Variants in EEA1 observed in about 807,000 individuals in gnomAD.
The protein encoded by EEA1 is early endosome antigen 1, also known as early endosome antigen 1, 162kD.
A neutral mutation model predicts 209.2 loss-of-function variants in EEA1; 111 were observed. The ratio of observed to expected loss-of-function variants is 0.53; its 90% CI spans 0.45 to 0.62. The LOEUF (loss-of-function observed/expected upper bound fraction) is 0.62, where lower values mean the gene tolerates loss of function less well. EEA1 is among the 20% of genes least tolerant of loss of function. The pLI, the probability that EEA1 is intolerant of heterozygous loss-of-function variation, is 0.00. For missense variants in EEA1, 1,343 were observed against 1,530.8 expected (o/e 0.88, Z 2.05); for synonymous variants, 536 against 540.6 (o/e 0.99, Z 0.12).
intron 13 of EEA1, among the ~76,000 whole-genome samples, chr12:92,825,598 C>T (rs1876259514): frequency 6.6e-6 from 1 of 151,918 alleles, no homozygotes; most frequent in Non-Finnish European, 1.5e-5. Flanking sequence ...TAAATTTAAC[C>T]CAAACAATTA....
chr12:92,833,865 G>A (rs1353405102), intron 10 of EEA1, among the ~76,000 whole-genome samples: 1 of 152,076 alleles, frequency 6.6e-6, no homozygotes, highest in Non-Finnish European at 1.5e-5. Flanking sequence ...ATAGAAAAGT[G>A]TGTCAAATTT....
intron 18 of EEA1, among the ~76,000 whole-genome samples, chr12:92,803,219 A>T (rs7342371): frequency 0.96 from 145,734 of 152,076 alleles, 69,878 homozygotes; most frequent in East Asian, 1. Flanking sequence ...AAAATCAAAG[A>T]AAGAAAATTA....
rs541391849 is a variant in EEA1 at position 92,857,500 on chromosome 12, G to A, written c.246-15C>T. 2 of 1,551,508 alleles carry A rather than the reference G, an allele frequency of 1.3e-6. No individual in the cohort carries two copies. Among genetic ancestry groups the A allele is most frequent in the Admixed American group, 2.0e-5 (1 of 50,988 alleles). On this transcript the variant is annotated splice_polypyrimidine_tract_variant and intron_variant, in intron 3 of 28. Coordinates refer to ENST00000322349, the MANE Select transcript of EEA1 (RefSeq NM_003566.4). ...TTACATCATCTCTAAATAAAAATGG[G>A]AGGAAGGAATTAATAGTCAATGTCC... is the stretch of plus-strand genomic sequence containing the variant.
At position 92,927,881 on chromosome 12, in the gene EEA1, A is replaced by T. The variant is rs548410699; in HGVS notation, c.24+1162T>A. 5.3e-4 allele frequency among the ~76,000 whole-genome samples: 80 copies of T among 152,360 alleles called. No homozygotes were observed. The South Asian group carries it at 0.016, about 30-fold the overall frequency. Reference sequence around the variant, plus strand: ...ACACAGGTTGTCAGATAAAGAAGTTAACTATTTCTCCCTCTAATAACTGAC... The same window carrying T: ...ACACAGGTTGTCAGATAAAGAAGTTTACTATTTCTCCCTCTAATAACTGAC... On this transcript the variant is annotated intron_variant, in intron 1 of 28. Coordinates refer to ENST00000322349, the MANE Select transcript of EEA1 (RefSeq NM_003566.4).
chr12:92,877,138 T>TC (rs1227779219), intron 2 of EEA1, among the ~76,000 whole-genome samples: 7 of 149,752 alleles, frequency 4.7e-5, no homozygotes, highest in Non-Finnish European at 1.0e-4. Flanking sequence ...TTTTTTCTTT[T>TC]TTTTTTTTTT....
chr12:92,845,266 T>G (rs1877342966), intron 9 of EEA1, among the ~76,000 whole-genome samples: 1 of 152,162 alleles, frequency 6.6e-6, no homozygotes, highest in South Asian at 2.1e-4. Context: ...ACTTTAGTTA[T>G]GAAGAAGAGG....
chr12:92,847,975 A>T (rs1877453032), intron 9 of EEA1, among the ~76,000 whole-genome samples: 1 of 152,032 alleles, frequency 6.6e-6, no homozygotes, highest in Non-Finnish European at 1.5e-5. Context: ...TCCTAAAGTT[A>T]TTCAAAATAT....
rs1874203114 is a variant in EEA1, at chr12:92,787,904, C to T, written c.3113G>A (p.Arg1038Lys). Residue 1038 changes from arginine to lysine, a missense_variant, in exon 22 of 29, where the codon AGG (arginine) becomes AAG (lysine). Physicochemically the swap from Arg to Lys is conservative, Grantham distance 26 (BLOSUM62 2). Transcript: ENST00000322349. Reference sequence around the variant, plus strand: ...CCTGGTGGCTAGAAGTTCAGATTCCCTCCCATAGAAATCAGATTGAAGCTG... The same window carrying T: ...CCTGGTGGCTAGAAGTTCAGATTCCTTCCCATAGAAATCAGATTGAAGCTG... ...FKQLQSDFYG[R>K]ESELLATRQD... The T allele has an allele frequency of 1.2e-6, 2 of 1,611,368 alleles. No homozygotes were observed. The highest frequency in any genetic ancestry group is 1.7e-6 in the Non-Finnish European group (2 of 1,178,754).
chr12:92,836,547 G>A (rs1404563250), intron 10 of EEA1, among the ~76,000 whole-genome samples: 3 of 152,088 alleles, frequency 2.0e-5, no homozygotes, highest in East Asian at 1.9e-4. Context: ...GAATAGCTTG[G>A]TGAGAATGAA....
intron 20 of EEA1, among the ~76,000 whole-genome samples, chr12:92,801,359 C>CT (rs1226580908): frequency 6.6e-5 from 10 of 151,218 alleles, no homozygotes; most frequent in Admixed American, 1.3e-4. Flanking sequence ...TAGCTTAAGT[C>CT]TTTTTAATAG....
chr12:92,778,236 G>A (rs903723341), intron 25 of EEA1, 57 bp from the exon 26 acceptor site: 2 of 1,373,494 alleles, frequency 1.5e-6, no homozygotes, highest in African/African-American at 2.9e-5. Flanking sequence ...CAAAATAAAT[G>A]TAAGTGATTT....
intron 1 of EEA1, among the ~76,000 whole-genome samples, chr12:92,925,352 C>A (rs552039681): frequency 6.6e-6 from 1 of 152,288 alleles, no homozygotes; most frequent in East Asian, 1.9e-4. Flanking sequence ...GTAGTTGGGA[C>A]TACAGGCGTG....
At chr12:92,890,020 A>G (rs1037730365) in intron 2 of EEA1, among the ~76,000 whole-genome samples, 1 of 152,230 alleles carries the variant, frequency 6.6e-6, no homozygotes, top group Non-Finnish European at 1.5e-5. Flanking sequence ...TAACAGATCT[A>G]AGTAGATAAA....
chr12:92,788,005 G>T lies in EEA1; in HGVS notation c.3012C>A (p.Ala1004=), dbSNP rs1874214875. 6.2e-7 allele frequency: 1 copy of T among 1,609,068 alleles called. No individual in the cohort carries two copies. Among genetic ancestry groups the T allele is most frequent in the Non-Finnish European group, 8.5e-7 (1 of 1,177,728 alleles). ...NKLQQQLTQA[A]QELAAEKEKI... is the part of the protein sequence containing the mutation. ...TCTCTTTCTCTGCTGCAAGTTCCTG[G>T]GCTGCCTGTGTTAACTGCTGCTGTA... is the stretch of plus-strand genomic sequence containing the variant. Residue 1004 remains alanine, a synonymous_variant, in exon 22 of 29, where the codon GCC becomes GCA. Coordinates refer to ENST00000322349, the MANE Select transcript of EEA1 (RefSeq NM_003566.4).
chr12:92,862,187 G>A lies in EEA1; in HGVS notation c.245+2673C>T, dbSNP rs140007377. Among the ~76,000 whole-genome samples the A allele has an allele frequency of 8.0e-3, 1,211 of 150,650 alleles. 25 individuals are homozygous for A. The highest frequency in any genetic ancestry group is 0.027 in the African/African-American group (1,114 of 40,818). On this transcript the variant is annotated intron_variant, in intron 3 of 28. Transcript: ENST00000322349. ...GTCAGAAACTGAGGTGTAGGAAAAT[G>A]GGAAGAAGAGATACAATACAATAAA...
intron 3 of EEA1, chr12:92,859,099 T>G (rs1041469329): frequency 2.0e-5 from 19 of 935,950 alleles, no homozygotes; most frequent in Non-Finnish European, 2.9e-5. Flanking sequence ...TTATAGTACC[T>G]CTCAGAAGAG....
At chr12:92,847,915 T>A (rs763341600) in intron 9 of EEA1, among the ~76,000 whole-genome samples, 1 of 152,012 alleles carries the variant, frequency 6.6e-6, no homozygotes, top group African/African-American at 2.4e-5. Flanking sequence ...CTCAAAAGAG[T>A]AAGAGTTTGT....
intron 1 of EEA1, among the ~76,000 whole-genome samples, chr12:92,896,830 CCTGGTCAGTCAG>C (rs1305241455): frequency 6.6e-6 from 1 of 151,950 alleles, no homozygotes; most frequent in African/African-American, 2.4e-5. Flanking sequence ...AAACCTCCAC[CCTGGTCAGTCAG>C]CAGCTATCAG....
intron 2 of EEA1, among the ~76,000 whole-genome samples, chr12:92,870,868 G>A (rs1168702457): frequency 6.6e-6 from 1 of 151,862 alleles, no homozygotes; most frequent in Non-Finnish European, 1.5e-5. Context: ...GTAGAGACAG[G>A]GTTTCACCAT....
Sources: allele counts gnomAD v4.1 joint callset (sites outside exome capture counted in the v4.1 genomes callset), GRCh38; gene constraint gnomAD v4.1.1; transcripts MANE v1.5; gene names NCBI Gene and HGNC (gene_info 2026-07-23, HGNC 2026-07-21).